RGS7: variants seen among roughly 807,000 people sequenced by gnomAD.
RGS7 encodes regulator of G-protein signaling 7.
RGS7 carries 27 observed loss-of-function variants against 81.1 expected under a neutral mutation model. The observed-to-expected ratio is 0.33, with a 90% CI of 0.25 to 0.46. The LOEUF is 0.46. RGS7 is among the 20% of genes least tolerant of loss of function. RGS7 has a pLI of 1.00. For synonymous variants in RGS7, 208 were observed against 207.7 expected, an observed-to-expected ratio of 1.00 and a Z score of -0.01; for missense variants, 396 against 607.4, an observed-to-expected ratio of 0.65 and a Z score of 3.66.
rs569222829 is a variant in RGS7 at position 241,335,942 on chromosome 1, A to G, written c.78+19757T>C. On this transcript the variant is annotated intron_variant, in intron 2 of 18. Coordinates refer to ENST00000440928, the MANE Select transcript of RGS7 (RefSeq NM_001364886.1). ...TGCTGATATGAGTGTGTGTTTCACT[A>G]TATAAAAGAACTAATCAAATATTTT... is the stretch of plus-strand genomic sequence containing the variant. Among the ~76,000 whole-genome samples, 283 of 151,976 alleles carry G rather than the reference A, an allele frequency of 1.9e-3. 1 individual carries two copies. Among genetic ancestry groups the G allele is most frequent in the Non-Finnish European group, 3.2e-3 (219 of 68,010 alleles).
intron 4 of RGS7, among the ~76,000 whole-genome samples, chr1:240,955,357 C>G (rs1423531961): frequency 6.6e-6 from 1 of 152,022 alleles, no homozygotes; most frequent in Non-Finnish European, 1.5e-5. Flanking sequence ...TCTAGACCAT[C>G]CTGGTTAACA....
chr1:240,815,400 A>C (rs1690638918), intron 11 of RGS7, among the ~76,000 whole-genome samples: 1 of 152,156 alleles, frequency 6.6e-6, no homozygotes, highest in African/African-American at 2.4e-5. Flanking sequence ...TGAATACCTA[A>C]ATCCAGAATC....
chr1:241,111,759 C>A (rs1339570885), intron 2 of RGS7, among the ~76,000 whole-genome samples: 2 of 152,214 alleles, frequency 1.3e-5, no homozygotes, highest in Admixed American at 1.3e-4. Context: ...CAGCCTTATG[C>A]ATGCTTACTT....
chr1:240,996,440 T>G (rs1048153531), intron 3 of RGS7, among the ~76,000 whole-genome samples: 3 of 152,348 alleles, frequency 2.0e-5, no homozygotes, highest in African/African-American at 7.2e-5. Context: ...TAGTTCTTCT[T>G]TCAGTTCTAT....
chr1:241,290,519 G>A (rs1194209535), intron 2 of RGS7, among the ~76,000 whole-genome samples: 1 of 152,122 alleles, frequency 6.6e-6, no homozygotes, highest in African/African-American at 2.4e-5. Context: ...TAAGTAGAAA[G>A]GAAATTGTGT....
At chr1:241,262,704 G>C (rs1404865196) in intron 2 of RGS7, among the ~76,000 whole-genome samples, 1 of 152,132 alleles carries the variant, frequency 6.6e-6, no homozygotes, top group Non-Finnish European at 1.5e-5. Context: ...TTTCTAAACA[G>C]AGATACTGCA....
intron 2 of RGS7, among the ~76,000 whole-genome samples, chr1:241,287,093 CATG>C (rs2078849127): frequency 6.6e-6 from 1 of 152,210 alleles, no homozygotes; most frequent in South Asian, 2.1e-4. Context: ...TGAGAAAAGT[CATG>C]ATGTGTCAGG....
At chr1:241,060,490 A>T (rs994387752) in intron 3 of RGS7, among the ~76,000 whole-genome samples, 10 of 152,150 alleles carry the variant, frequency 6.6e-5, no homozygotes, top group African/African-American at 2.4e-4. Flanking sequence ...TTCCACTCCC[A>T]GTTTTCCTCT....
At chr1:241,306,566 A>G (rs1380379979) in intron 2 of RGS7, among the ~76,000 whole-genome samples, 1 of 151,620 alleles carries the variant, frequency 6.6e-6, no homozygotes, top group Admixed American at 6.6e-5. Flanking sequence ...ACATACACAT[A>G]TGTCCACACA....
rs2103219004 is a variant in RGS7, at chr1:241,164,388, A to G, written c.79-65626T>C. ...CCTTGGAAGTTGAGGGGTAGGGCTG[A>G]AAGTCCCAGCCCTCCAATCATGCAT... On this transcript the variant is annotated intron_variant, in intron 2 of 18. Transcript: ENST00000440928. This position sits in a 1 kb window ranked among gnomAD's most constrained non-coding sequence, Gnocchi z 4.1. 6.6e-6 allele frequency among the ~76,000 whole-genome samples: 1 copy of G among 152,076 alleles called. No individual in the cohort carries two copies. Among genetic ancestry groups the G allele is most frequent in the East Asian group, 1.9e-4 (1 of 5,174 alleles).
chr1:241,217,358 A>C (rs944745528), intron 2 of RGS7, among the ~76,000 whole-genome samples: 1 of 152,110 alleles, frequency 6.6e-6, no homozygotes, highest in Non-Finnish European at 1.5e-5. Flanking sequence ...TGTTGAAGCT[A>C]CCCAACCTGT....
At chr1:240,793,611 A>ATATATATTTTTTTTTTTTT in intron 18 of RGS7, among the ~76,000 whole-genome samples, 14 of 78,802 alleles carry the variant, frequency 1.8e-4, no homozygotes, top group African/African-American at 1.4e-3. Context: ...ATATATATAT[A>ATATATATTTTTTTTTTTTT]TTTTTTTTTT....
chr1:240,944,276 GTGTGTGTATATATATATATA>G (rs1678153711), intron 4 of RGS7, among the ~76,000 whole-genome samples: 2 of 18,846 alleles, frequency 1.1e-4, no homozygotes, highest in African/African-American at 1.6e-4. Flanking sequence ...GTGTGTGTGT[GTGTGTGTATATATATATATA>G]TATATATATA....
intron 10 of RGS7, among the ~76,000 whole-genome samples, chr1:240,824,638 G>A (rs1692465566): frequency 6.6e-6 from 1 of 152,230 alleles, no homozygotes; most frequent in Non-Finnish European, 1.5e-5. Flanking sequence ...AAAATGCAGT[G>A]GCAATCACAA....
At chr1:241,026,124 C>T (rs598180) in intron 3 of RGS7, among the ~76,000 whole-genome samples, 67,156 of 152,052 alleles carry the variant, frequency 0.44, 15,222 homozygotes, top group Middle Eastern at 0.54. Context: ...GCTTCCAGCA[C>T]TGGAATACAA....
chr1:240,834,672 A>G (rs564703331), intron 9 of RGS7, among the ~76,000 whole-genome samples: 178 of 151,918 alleles, frequency 1.2e-3, no homozygotes, highest in Middle Eastern at 3.4e-3. Flanking sequence ...CACCACGCCC[A>G]GCTAATTTTT....
intron 9 of RGS7, among the ~76,000 whole-genome samples, chr1:240,851,677 A>G (rs1009531552): frequency 6.6e-6 from 1 of 152,200 alleles, no homozygotes; most frequent in African/African-American, 2.4e-5. Flanking sequence ...CATTAGGAAC[A>G]TTTATGATTC....
chr1:240,956,506 A>T (rs1287541587), intron 4 of RGS7, among the ~76,000 whole-genome samples: 1 of 152,186 alleles, frequency 6.6e-6, no homozygotes, highest in Admixed American at 6.5e-5. Flanking sequence ...AGCCTGAATG[A>T]GGTGGAGCAT....
chr1:241,071,716 T>A (rs77840555), intron 3 of RGS7, among the ~76,000 whole-genome samples: 6 of 150,206 alleles, frequency 4.0e-5, no homozygotes, highest in South Asian at 4.2e-4. Context: ...CAAAAAAATT[T>A]AAAAAAAATT....
Sources: allele counts gnomAD v4.1 joint callset (sites outside exome capture counted in the v4.1 genomes callset), GRCh38; gene constraint gnomAD v4.1.1; non-coding constraint Gnocchi (gnomAD v3.1); transcripts MANE v1.5; gene names NCBI Gene and HGNC (gene_info 2026-07-23, HGNC 2026-07-21).